MYO3B: variants seen among roughly 807,000 people sequenced by gnomAD.
MYO3B encodes the protein myosin-IIIb.
A neutral mutation model predicts 174.6 loss-of-function variants in MYO3B; 156 were observed. The observed-to-expected ratio is 0.89, with a 90% CI of 0.78 to 1.02. The LOEUF (loss-of-function observed/expected upper bound fraction) is 1.02, where lower values mean the gene tolerates loss of function less well. MYO3B is among the 50% of genes least tolerant of loss of function. The pLI, the probability that MYO3B is intolerant of heterozygous loss-of-function variation, is 0.00. For synonymous variants in MYO3B, 563 were observed against 569.1 expected (o/e 0.99, Z 0.15); for missense variants, 1,632 against 1,639.4 (o/e 1.00, Z 0.08).
chr2:170,532,911 C>T (rs1395797238), intron 30 of MYO3B, among the ~76,000 whole-genome samples: 1 of 150,920 alleles, frequency 6.6e-6, no homozygotes, highest in East Asian at 1.9e-4. Flanking sequence ...TATATCAATA[C>T]AGAGACAGAG....
intron 8 of MYO3B, among the ~76,000 whole-genome samples, chr2:170,351,279 G>T (rs1039828556): frequency 2.6e-5 from 4 of 152,136 alleles, no homozygotes; most frequent in Non-Finnish European, 5.9e-5. Flanking sequence ...AGTAAATGAG[G>T]TGGTTCATTT....
intron 22 of MYO3B, among the ~76,000 whole-genome samples, chr2:170,410,450 G>A (rs976959786): frequency 7.9e-5 from 12 of 152,008 alleles, no homozygotes; most frequent in African/African-American, 2.4e-4. Context: ...GTGTGGTGGC[G>A]GGCACCTGTA....
At position 170,453,087 on chromosome 2, in the gene MYO3B, C is replaced by G. The variant is rs1238643616; in HGVS notation, c.2730+9041C>G. On this transcript the variant is annotated intron_variant, in intron 23 of 34. Transcript: ENST00000408978. ...ATCCTTGTCCTCTGGATGGCAGAGA[C>G]TAAAATAAAGTATCCCCACATGGTC... is the stretch of plus-strand genomic sequence containing the variant. Among the ~76,000 whole-genome samples, 3 of 152,208 alleles carry G rather than the reference C, an allele frequency of 2.0e-5. No homozygotes were observed. The East Asian group carries it at 5.8e-4, about 29-fold the overall frequency.
intron 7 of MYO3B, among the ~76,000 whole-genome samples, chr2:170,271,133 G>C (rs1404218862): frequency 1.3e-5 from 2 of 152,264 alleles, no homozygotes; most frequent in East Asian, 3.9e-4. Context: ...GTTTCCAGGG[G>C]TTCAGAAATG....
At chr2:170,239,309 G>T (rs1428525632) in intron 7 of MYO3B, among the ~76,000 whole-genome samples, 3 of 152,206 alleles carry the variant, frequency 2.0e-5, no homozygotes, top group Non-Finnish European at 4.4e-5. Context: ...AATCAATAGA[G>T]TTAGTGGAAA....
intron 7 of MYO3B, among the ~76,000 whole-genome samples, chr2:170,327,158 G>A (rs973145032): frequency 7.2e-5 from 11 of 152,186 alleles, no homozygotes; most frequent in East Asian, 5.8e-4. Flanking sequence ...AGGCCAAGGC[G>A]GGCAGATCAC....
At chr2:170,199,760 G>A (rs996870693) in intron 2 of MYO3B, among the ~76,000 whole-genome samples, 10 of 152,188 alleles carry the variant, frequency 6.6e-5, no homozygotes, top group African/African-American at 2.4e-4. Flanking sequence ...TTATAATGCT[G>A]TATGCTGTTT....
At chr2:170,534,619 T>C (rs1270311389) in intron 30 of MYO3B, among the ~76,000 whole-genome samples, 1 of 152,156 alleles carries the variant, frequency 6.6e-6, no homozygotes, top group African/African-American at 2.4e-5. Context: ...CTAAATTTTT[T>C]TGTAGAAACA....
chr2:170,537,447 G>GTTTTTTTTT (rs1559095079), intron 30 of MYO3B, among the ~76,000 whole-genome samples: 2 of 47,486 alleles, frequency 4.2e-5, no homozygotes, highest in African/African-American at 1.8e-4. Flanking sequence ...AGAGCTCTTT[G>GTTTTTTTTT]ATTTTTTTTT....
At chr2:170,204,965 C>G (rs1197340543) in intron 3 of MYO3B, among the ~76,000 whole-genome samples, 1 of 151,976 alleles carries the variant, frequency 6.6e-6, no homozygotes, top group Non-Finnish European at 1.5e-5. Flanking sequence ...ATCCAAGTGC[C>G]CAGTCTTTTT....
At chr2:170,358,723 C>T (rs1005048130) in intron 8 of MYO3B, among the ~76,000 whole-genome samples, 19 of 152,166 alleles carry the variant, frequency 1.2e-4, no homozygotes, top group African/African-American at 4.1e-4. Context: ...TGCAACCACT[C>T]ATTTTGAGCA....
chr2:170,249,967 C>T (rs978859265), intron 7 of MYO3B, among the ~76,000 whole-genome samples: 3 of 152,184 alleles, frequency 2.0e-5, no homozygotes, highest in African/African-American at 7.2e-5. Flanking sequence ...CACTTCTCCT[C>T]CTATGACAAG....
At chr2:170,201,546 T>C (rs1019248510) in intron 3 of MYO3B, among the ~76,000 whole-genome samples, 2 of 152,338 alleles carry the variant, frequency 1.3e-5, no homozygotes, top group Non-Finnish European at 2.9e-5. Flanking sequence ...TATATTCAAA[T>C]GGGATAATCT....
In MYO3B at chr2:170,443,975, G is replaced by C; in HGVS notation, c.2659G>C (p.Ala887Pro). The C allele has an allele frequency of 6.2e-7, 1 of 1,608,818 alleles. No individual in the cohort carries two copies. The highest frequency in any genetic ancestry group is 8.5e-7 in the Non-Finnish European group (1 of 1,176,366). Residue 887 changes from alanine to proline, a missense_variant, in exon 23 of 35, where the codon GCC (alanine) becomes CCC (proline). Physicochemically the swap from Ala to Pro is conservative, Grantham distance 27. Coordinates refer to ENST00000408978, the MANE Select transcript of MYO3B (RefSeq NM_138995.5). Reference sequence around the variant, plus strand: ...TGTGGTCTCTTTCTCAGGTAATTTGGCCCAGACAAGAGCTAGGATAACAGT... The same window carrying C: ...TGTGGTCTCTTTCTCAGGTAATTTGCCCCAGACAAGAGCTAGGATAACAGT... ...SIPLTKTGNL[A>P]QTRARITVAS...
intron 7 of MYO3B, among the ~76,000 whole-genome samples, chr2:170,241,919 G>A (rs897693756): frequency 2.6e-5 from 4 of 151,988 alleles, no homozygotes; most frequent in African/African-American, 7.3e-5. Flanking sequence ...CTGCTCCTCC[G>A]CTGTGAGATG....
chr2:170,198,460 C>T (rs2092625031), intron 1 of MYO3B, among the ~76,000 whole-genome samples: 1 of 152,138 alleles, frequency 6.6e-6, no homozygotes, highest in Non-Finnish European at 1.5e-5. Flanking sequence ...TGTTTTCCTC[C>T]TTCAGGAGGA....
In MYO3B at chr2:170,261,316, C is replaced by T. The variant is rs184963555; in HGVS notation, c.749+25180C>T. Among the ~76,000 whole-genome samples the T allele has an allele frequency of 2.0e-4, 31 of 152,306 alleles. 1 individual carries two copies. In the East Asian group the frequency reaches 3.9e-3, roughly 19 times the overall value. On this transcript the variant is annotated intron_variant, in intron 7 of 34. Coordinates refer to ENST00000408978, the MANE Select transcript of MYO3B (RefSeq NM_138995.5). Reference sequence around the variant, plus strand: ...CTGGGATTACAGATGTGAGCTACCACGCCCAGCCAAGAATACATTTTTTCA... The same window carrying T: ...CTGGGATTACAGATGTGAGCTACCATGCCCAGCCAAGAATACATTTTTTCA...
chr2:170,560,465 T>C (rs2106250730), intron 32 of MYO3B, among the ~76,000 whole-genome samples: 1 of 152,352 alleles, frequency 6.6e-6, no homozygotes, highest in South Asian at 2.1e-4. Context: ...GACACCAGGC[T>C]GGTTTGTCTG....
chr2:170,475,696 C>T (rs75590771), intron 25 of MYO3B, among the ~76,000 whole-genome samples: 32,281 of 152,140 alleles, frequency 0.21, 4,145 homozygotes, highest in Middle Eastern at 0.33. Context: ...ACCAGAATTA[C>T]GTTTATAAAA....
Sources: gnomAD v4.1 joint callset for allele counts (sites outside exome capture counted in the v4.1 genomes callset) on GRCh38, gnomAD v4.1.1 for gene constraint, MANE v1.5 for transcripts, NCBI Gene and HGNC (gene_info 2026-07-23, HGNC 2026-07-21) for gene names.